COP1: variants seen among roughly 807,000 people sequenced by gnomAD.
COP1 encodes COP1 E3 ubiquitin ligase.
In COP1, 24 loss-of-function variants were observed where a neutral mutation model predicts 101.3. The observed-to-expected ratio is 0.24, with a 90% confidence interval of 0.17 to 0.33. The LOEUF is 0.33. Ranked by LOEUF, COP1 falls within the 10% of genes least tolerant of loss-of-function variation. The pLI is 1.00. For synonymous variants in COP1, 347 were observed against 341.9 expected (o/e 1.01, Z -0.17); for missense variants, 663 against 906.2 (o/e 0.73, Z 3.45).
At chr1:176,050,600 G>T (rs1324989763) in intron 11 of COP1, among the ~76,000 whole-genome samples, 1 of 152,072 alleles carries the variant, frequency 6.6e-6, no homozygotes, top group Non-Finnish European at 1.5e-5. Context: ...TTAGAAACTG[G>T]CCATTTTAAC....
At chr1:176,007,033 A>T (rs1469444870) in intron 15 of COP1, among the ~76,000 whole-genome samples, 1 of 152,090 alleles carries the variant, frequency 6.6e-6, no homozygotes, top group Admixed American at 6.6e-5. Flanking sequence ...TATTTCTTGG[A>T]GGCTTTGCTC....
chr1:176,141,604 T>C (rs1034010442), intron 6 of COP1, among the ~76,000 whole-genome samples: 1 of 152,158 alleles, frequency 6.6e-6, no homozygotes, highest in Non-Finnish European at 1.5e-5. Context: ...AAGTGCACAC[T>C]ACAGCAAGCC....
At chr1:176,032,664 G>T (rs1215239444) in intron 14 of COP1, among the ~76,000 whole-genome samples, 1 of 151,864 alleles carries the variant, frequency 6.6e-6, no homozygotes, top group East Asian at 2.0e-4. Context: ...TGACAACGCA[G>T]ATGTTTCTCC....
At chr1:176,019,724 C>CA (rs1666388496) in intron 15 of COP1, among the ~76,000 whole-genome samples, 1 of 150,198 alleles carries the variant, frequency 6.7e-6, no homozygotes, top group Non-Finnish European at 1.5e-5. Flanking sequence ...AGCCAGGCAT[C>CA]GTAGCATGCT....
chr1:175,978,219 CTT>C, intron 18 of COP1, among the ~76,000 whole-genome samples: 1 of 152,162 alleles, frequency 6.6e-6, no homozygotes, highest in African/African-American at 2.4e-5. Context: ...ACAGAACACT[CTT>C]TTTAAAAAAG....
rs80178461 is a variant in COP1 at position 176,068,422 on chromosome 1, CTG to C, written c.1277+12728_1277+12729del. Among the ~76,000 whole-genome samples, 111 of 152,302 alleles carry C rather than the reference CTG, an allele frequency of 7.3e-4. 7 individuals carry two copies. The East Asian group carries it at 0.018, about 25-fold the overall frequency. On this transcript the variant is annotated intron_variant, in intron 11 of 19. Coordinates refer to ENST00000367669, the MANE Select transcript of COP1 (RefSeq NM_022457.7). ...AACTCTGAGAGTGGAGCCCATCAAT[CTG>C]TGTTTCAACAAGATCTCCAGATGAT... is the stretch of plus-strand genomic sequence containing the variant.
intron 18 of COP1, among the ~76,000 whole-genome samples, chr1:175,966,683 A>G (rs1652090868): frequency 6.6e-6 from 1 of 152,238 alleles, no homozygotes; most frequent in South Asian, 2.1e-4. Context: ...ACTATGTACA[A>G]GAGAGCCTCA....
intron 3 of COP1, among the ~76,000 whole-genome samples, chr1:176,173,226 A>T (rs1286690966): frequency 6.8e-6 from 1 of 147,772 alleles, no homozygotes; most frequent in Non-Finnish European, 1.5e-5. Context: ...CAGGAGAATC[A>T]TGTGAGCCCA....
At chr1:176,168,628 A>G in intron 3 of COP1, 1 of 217,820 alleles carries the variant, frequency 4.6e-6, no homozygotes, top group Non-Finnish European at 9.8e-6. Context: ...GGTAATGGGG[A>G]GGGGTGGTAA....
At chr1:176,022,993 G>A (rs987146642) in intron 15 of COP1, among the ~76,000 whole-genome samples, 6 of 152,150 alleles carry the variant, frequency 3.9e-5, no homozygotes, top group African/African-American at 1.4e-4. Context: ...TAGAGATGTG[G>A]GGGTTTTCTG....
intron 1 of COP1, among the ~76,000 whole-genome samples, chr1:176,198,612 T>C (rs940628472): frequency 2.6e-5 from 4 of 151,962 alleles, no homozygotes; most frequent in African/African-American, 9.7e-5. Context: ...ACTGAAAACT[T>C]TATCGATACA....
intron 15 of COP1, among the ~76,000 whole-genome samples, chr1:175,998,063 T>TAAAAAAAAAAAAAAAAAAA (rs57110017): frequency 1.3e-4 from 9 of 66,820 alleles, no homozygotes; most frequent in African/African-American, 5.5e-4. Flanking sequence ...AGAGTATAAT[T>TAAAAAAAAAAAAAAAAAAA]AAAAAAAAAA....
chr1:176,072,927 T>C lies in COP1; in HGVS notation c.1277+8225A>G, dbSNP rs1677266241. 2.0e-5 allele frequency among the ~76,000 whole-genome samples: 3 copies of C among 152,318 alleles called. No individual in the cohort carries two copies. In the South Asian group the frequency reaches 6.2e-4, roughly 32 times the overall value. On this transcript the variant is annotated intron_variant, in intron 11 of 19. Coordinates refer to ENST00000367669, the MANE Select transcript of COP1 (RefSeq NM_022457.7). ...ACACAGTGTCAGAACCTCAAAAGAATTAATTCCTCTTTTTCTTCTGGGTGT... is the reference window on the plus strand; with the variant it reads ...ACACAGTGTCAGAACCTCAAAAGAACTAATTCCTCTTTTTCTTCTGGGTGT...
chr1:176,058,191 G>GA (rs1436641959), intron 11 of COP1, among the ~76,000 whole-genome samples: 4 of 150,388 alleles, frequency 2.7e-5, no homozygotes, highest in Non-Finnish European at 5.9e-5. Flanking sequence ...GGAGGGGGGG[G>GA]GTCAGCCCCT....
At chr1:175,997,340 A>C (rs2148825731) in intron 15 of COP1, among the ~76,000 whole-genome samples, 1 of 152,286 alleles carries the variant, frequency 6.6e-6, no homozygotes, top group Admixed American at 6.5e-5. Flanking sequence ...AGGCATGGGC[A>C]AGGACTTCAT....
At chr1:176,128,898 A>G (rs548312357) in intron 8 of COP1, among the ~76,000 whole-genome samples, 1 of 152,070 alleles carries the variant, frequency 6.6e-6, no homozygotes, top group East Asian at 1.9e-4. Context: ...ATAGGTAATA[A>G]TCCAGCCAAA....
chr1:175,974,423 T>C (rs1311110605), intron 18 of COP1, among the ~76,000 whole-genome samples: 1 of 152,204 alleles, frequency 6.6e-6, no homozygotes, highest in East Asian at 1.9e-4. Flanking sequence ...GACTACATTG[T>C]TTGAATTTCT....
chr1:176,073,135 T>C (rs1001350768), intron 11 of COP1, among the ~76,000 whole-genome samples: 2 of 152,146 alleles, frequency 1.3e-5, no homozygotes, highest in African/African-American at 4.8e-5. Context: ...TAAAATGAGG[T>C]TAATAGCAAT....
At position 176,116,699 on chromosome 1, in the gene COP1, A is replaced by G. The variant is rs1453180433; in HGVS notation, c.969-18T>C. 1.9e-6 allele frequency: 3 copies of G among 1,577,326 alleles called. No homozygotes were observed. The highest frequency in any genetic ancestry group is 2.7e-5 in the African/African-American group (2 of 73,882). On this transcript the variant is annotated intron_variant, in intron 8 of 19. Coordinates refer to ENST00000367669, the MANE Select transcript of COP1 (RefSeq NM_022457.7). ...TAATACTACTGCAAAATGAAGAGAA[A>G]AAAATGTGATTTCAGTATTTACATT... is the stretch of plus-strand genomic sequence containing the variant.
Sources: gnomAD v4.1 joint callset for allele counts (sites outside exome capture counted in the v4.1 genomes callset) on GRCh38, gnomAD v4.1.1 for gene constraint, MANE v1.5 for transcripts, NCBI Gene and HGNC (gene_info 2026-07-23, HGNC 2026-07-21) for gene names.